Variants in FGF14 observed in about 807,000 individuals in gnomAD.
FGF14 encodes fibroblast growth factor homologous factor 4.
FGF14 carries 5 observed loss-of-function variants against 25.5 expected under a neutral mutation model. The ratio of observed to expected loss-of-function variants is 0.20; its 90% CI spans 0.10 to 0.41. The LOEUF is 0.41. Among genes scored for constraint, FGF14 ranks in the 10% least tolerant of loss-of-function variants. The pLI is 1.00. For synonymous variants in FGF14, 138 were observed against 118.3 expected (o/e 1.17, Z -1.08); for missense variants, 222 against 320.1 (o/e 0.69, Z 2.34).
intron 1 of FGF14, among the ~76,000 whole-genome samples, chr13:102,155,567 T>G (rs988769049): frequency 6.6e-6 from 1 of 152,012 alleles, no homozygotes; most frequent in Admixed American, 6.5e-5. Flanking sequence ...GCAGGAAAGA[T>G]CTAAAATTGA....
intron 1 of FGF14, among the ~76,000 whole-genome samples, chr13:102,238,677 G>C (rs949950152): frequency 6.6e-6 from 1 of 152,238 alleles, no homozygotes; most frequent in African/African-American, 2.4e-5. Context: ...TATAGACAGT[G>C]ATATGGCAGA....
At chr13:101,927,247 T>G (rs901001217) in intron 1 of FGF14, among the ~76,000 whole-genome samples, 4 of 152,328 alleles carry the variant, frequency 2.6e-5, no homozygotes, top group African/African-American at 9.6e-5. Context: ...TTGTTTTATA[T>G]GTATTGTATA....
chr13:102,218,366 T>C (rs2050464592), intron 1 of FGF14, among the ~76,000 whole-genome samples: 1 of 152,078 alleles, frequency 6.6e-6, no homozygotes, highest in African/African-American at 2.4e-5. Flanking sequence ...ACGCTGGACC[T>C]GCAGCACGTG....
intron 1 of FGF14, among the ~76,000 whole-genome samples, chr13:101,935,555 T>A (rs180851957): frequency 6.6e-6 from 1 of 152,344 alleles, no homozygotes; most frequent in East Asian, 1.9e-4. Flanking sequence ...TTTATAAGTG[T>A]CTGGCATTTC....
intron 3 of FGF14, among the ~76,000 whole-genome samples, chr13:101,839,418 C>T (rs1231683750): frequency 2.6e-5 from 4 of 151,904 alleles, no homozygotes; most frequent in Non-Finnish European, 5.9e-5. Flanking sequence ...GGGTTTGGGC[C>T]AATTATGACT....
At chr13:102,275,136 C>T (rs1324216938) in intron 1 of FGF14, among the ~76,000 whole-genome samples, 3 of 151,878 alleles carry the variant, frequency 2.0e-5, no homozygotes, top group Admixed American at 6.6e-5. Flanking sequence ...TAGCAAATGA[C>T]AGAGATTAAC....
chr13:102,098,291 C>G (rs2044501968), intron 1 of FGF14, among the ~76,000 whole-genome samples: 3 of 152,102 alleles, frequency 2.0e-5, no homozygotes, highest in Non-Finnish European at 1.5e-5. Flanking sequence ...AAGTCGTGTC[C>G]CTAGATATTT....
At chr13:101,872,428 A>G (rs1394755121) in intron 2 of FGF14, among the ~76,000 whole-genome samples, 1 of 151,844 alleles carries the variant, frequency 6.6e-6, no homozygotes, top group Non-Finnish European at 1.5e-5. Flanking sequence ...CTCACAACAA[A>G]AGAGCTGTAC....
intron 1 of FGF14, among the ~76,000 whole-genome samples, chr13:102,233,657 C>G (rs967454094): frequency 6.6e-6 from 1 of 152,090 alleles, no homozygotes; most frequent in African/African-American, 2.4e-5. Context: ...ACGTGACTCC[C>G]CATAGCTGAA....
chr13:101,899,438 T>C (rs1594652341), intron 1 of FGF14, among the ~76,000 whole-genome samples: 1 of 151,744 alleles, frequency 6.6e-6, no homozygotes, highest in Non-Finnish European at 1.5e-5. Context: ...ATTAATCAAA[T>C]GGAAGTTTTA....
chr13:101,815,793 C>A (rs2041813550), intron 3 of FGF14, among the ~76,000 whole-genome samples: 1 of 151,914 alleles, frequency 6.6e-6, no homozygotes, highest in Non-Finnish European at 1.5e-5. Context: ...GTTCTGAGTG[C>A]CTGATTAGGC....
At chr13:101,958,857 C>A (rs987987446) in intron 1 of FGF14, among the ~76,000 whole-genome samples, 9 of 152,146 alleles carry the variant, frequency 5.9e-5, no homozygotes, top group Admixed American at 3.9e-4. Flanking sequence ...CCAAACATCC[C>A]CTCTTGGCAT....
chr13:101,854,409 G>A (rs758668826), intron 3 of FGF14, among the ~76,000 whole-genome samples: 1 of 152,056 alleles, frequency 6.6e-6, no homozygotes, highest in Non-Finnish European at 1.5e-5. Context: ...AGAGAGAGGA[G>A]AATACTGCTG....
At chr13:101,798,726 G>A (rs2040701782) in intron 3 of FGF14, among the ~76,000 whole-genome samples, 2 of 152,110 alleles carry the variant, frequency 1.3e-5, no homozygotes, top group South Asian at 2.1e-4. Context: ...GCATTTGCCT[G>A]TGTCTAAGGG....
intron 3 of FGF14, among the ~76,000 whole-genome samples, chr13:101,811,037 C>CCGCCT (rs1566929228): frequency 7.4e-6 from 1 of 135,696 alleles, no homozygotes; most frequent in African/African-American, 2.6e-5. Flanking sequence ...TATCCGCCCC[C>CCGCCT]CCCGGCCCCC....
intron 1 of FGF14, among the ~76,000 whole-genome samples, chr13:102,088,918 T>C (rs1315153434): frequency 6.6e-6 from 1 of 152,136 alleles, no homozygotes; most frequent in Non-Finnish European, 1.5e-5. Flanking sequence ...CCACATATTG[T>C]AGCTTAGGAA....
At chr13:101,911,488 C>T (rs185387491) in intron 1 of FGF14, among the ~76,000 whole-genome samples, 315 of 152,248 alleles carry the variant, frequency 2.1e-3, no homozygotes, top group Non-Finnish European at 3.6e-3. Context: ...TTACACTTTA[C>T]TTATTGAACT....
chr13:101,897,009 C>T (rs1941925201), intron 1 of FGF14, among the ~76,000 whole-genome samples: 1 of 152,120 alleles, frequency 6.6e-6, no homozygotes, highest in African/African-American at 2.4e-5. Flanking sequence ...TAACAAATAA[C>T]TTCTATCTTT....
chr13:101,769,148 C>T (rs1193621467), intron 3 of FGF14, among the ~76,000 whole-genome samples: 1 of 151,970 alleles, frequency 6.6e-6, no homozygotes, highest in East Asian at 1.9e-4. Flanking sequence ...GGACCAAAGA[C>T]CTTAACAGAT....
Sources: allele counts gnomAD v4.1 joint callset (sites outside exome capture counted in the v4.1 genomes callset), GRCh38; gene constraint gnomAD v4.1.1; transcripts MANE v1.5; gene names NCBI Gene and HGNC (gene_info 2026-07-23, HGNC 2026-07-21).